VAV3: variants seen among roughly 807,000 people sequenced by gnomAD.
VAV3 encodes vav guanine nucleotide exchange factor 3.
VAV3 carries 94 observed loss-of-function variants against 131.2 expected under a neutral mutation model. The observed-to-expected ratio is 0.72, with a 90% CI of 0.61 to 0.85. The LOEUF (loss-of-function observed/expected upper bound fraction) is 0.85, where lower values mean the gene tolerates loss of function less well. VAV3 is among the 40% of genes least tolerant of loss of function. The probability of loss-of-function intolerance (pLI) is 0.00; values close to 1 mark genes in which losing one functional copy is unlikely to be tolerated. For missense variants in VAV3, 939 were observed against 1,002.7 expected, an observed-to-expected ratio of 0.94 and a Z score of 0.86; for synonymous variants, 349 against 342.0, an observed-to-expected ratio of 1.02 and a Z score of -0.22.
intron 25 of VAV3, among the ~76,000 whole-genome samples, chr1:107,575,591 T>C (rs761387189): frequency 2.0e-5 from 3 of 152,184 alleles, no homozygotes; most frequent in Non-Finnish European, 2.9e-5. Flanking sequence ...AACTGTCCCA[T>C]TACTGGGGCA....
chr1:107,826,319 T>C (rs1302359822), intron 2 of VAV3, among the ~76,000 whole-genome samples: 1 of 152,194 alleles, frequency 6.6e-6, no homozygotes, highest in African/African-American at 2.4e-5. Flanking sequence ...AGATTGAAAA[T>C]TCTTATTTAA....
At chr1:107,949,004 C>A (rs1674404323) in intron 1 of VAV3, among the ~76,000 whole-genome samples, 1 of 152,166 alleles carries the variant, frequency 6.6e-6, no homozygotes, top group African/African-American at 2.4e-5. Flanking sequence ...ATGCTTCATT[C>A]CCATTTTAAC....
intron 15 of VAV3, among the ~76,000 whole-genome samples, chr1:107,706,292 G>A (rs1456684482): frequency 6.6e-6 from 1 of 152,144 alleles, no homozygotes; most frequent in Non-Finnish European, 1.5e-5. Flanking sequence ...CAGGCGACCA[G>A]GCATCAATCT....
At chr1:107,732,859 T>A (rs1662341888) in intron 15 of VAV3, among the ~76,000 whole-genome samples, 1 of 152,160 alleles carries the variant, frequency 6.6e-6, no homozygotes, top group South Asian at 2.1e-4. Flanking sequence ...AAGAGAGCAG[T>A]GGTTCTCCCG....
intron 1 of VAV3, among the ~76,000 whole-genome samples, chr1:107,891,023 C>T (rs999058412): frequency 6.6e-6 from 1 of 152,082 alleles, no homozygotes; most frequent in African/African-American, 2.4e-5. Context: ...TAAATAGCCA[C>T]TTGTATATAT....
intron 6 of VAV3, 91 bp from the exon 7 acceptor site, chr1:107,768,600 G>A (rs1664865940): frequency 1.8e-6 from 2 of 1,085,768 alleles, no homozygotes; most frequent in Non-Finnish European, 2.7e-6. Flanking sequence ...AATACGTTTT[G>A]AAAGTCAATT....
At chr1:107,803,184 C>A (rs1042104789) in intron 2 of VAV3, among the ~76,000 whole-genome samples, 2 of 151,810 alleles carry the variant, frequency 1.3e-5, no homozygotes, top group Non-Finnish European at 2.9e-5. Flanking sequence ...GTTGTTATGT[C>A]GCCTTTCTTG....
At chr1:107,589,769 T>C (rs1455327165) in intron 25 of VAV3, among the ~76,000 whole-genome samples, 1 of 152,154 alleles carries the variant, frequency 6.6e-6, no homozygotes, top group Admixed American at 6.6e-5. Context: ...ATGGGAATGC[T>C]GAATTAAAAG....
intron 15 of VAV3, among the ~76,000 whole-genome samples, chr1:107,713,983 C>T (rs1183363678): frequency 2.0e-5 from 3 of 152,092 alleles, no homozygotes; most frequent in African/African-American, 7.2e-5. Flanking sequence ...CAAATACTAG[C>T]TCTAGACGTA....
At chr1:107,884,072 T>C (rs1670909873) in intron 1 of VAV3, among the ~76,000 whole-genome samples, 1 of 151,222 alleles carries the variant, frequency 6.6e-6, no homozygotes, top group Admixed American at 6.6e-5. Flanking sequence ...TGAAAGAAAG[T>C]AGCACTCAAC....
chr1:107,645,572 C>T (rs1655677660), intron 19 of VAV3, among the ~76,000 whole-genome samples: 1 of 151,936 alleles, frequency 6.6e-6, no homozygotes, highest in Non-Finnish European at 1.5e-5. Context: ...AATATCTTTC[C>T]ACTTATGAAA....
At chr1:107,813,976 G>A (rs1168339486) in intron 2 of VAV3, among the ~76,000 whole-genome samples, 1 of 113,444 alleles carries the variant, frequency 8.8e-6, no homozygotes, top group Non-Finnish European at 2.0e-5. Flanking sequence ...CAGTGTGTGT[G>A]TGTGTGTGTG....
chr1:107,632,237 G>A lies in VAV3; in HGVS notation c.1914+10382C>T, dbSNP rs2101400199. Among the ~76,000 whole-genome samples, 2 of 152,224 alleles carry A rather than the reference G, an allele frequency of 1.3e-5. 1 individual carries two copies. The highest frequency in any genetic ancestry group is 2.9e-5 in the Non-Finnish European group (2 of 68,032). ...CAATGGCTCACATTAGATTCATCTG[G>A]GGTTTTATAAAATCTACTTATGCCT... On this transcript the variant is annotated intron_variant, in intron 20 of 26. Transcript: ENST00000370056.
At chr1:107,746,379 G>T (rs1663345091) in intron 15 of VAV3, among the ~76,000 whole-genome samples, 1 of 152,056 alleles carries the variant, frequency 6.6e-6, no homozygotes, top group African/African-American at 2.4e-5. Context: ...ACATTCAACG[G>T]AACTCTAAAA....
chr1:107,847,680 T>G (rs921468005), intron 2 of VAV3, among the ~76,000 whole-genome samples: 1 of 151,850 alleles, frequency 6.6e-6, no homozygotes, highest in Non-Finnish European at 1.5e-5. Flanking sequence ...AAGAAATGGG[T>G]AAATTTCTGG....
At chr1:107,577,069 T>C (rs982093335) in intron 25 of VAV3, among the ~76,000 whole-genome samples, 1 of 152,220 alleles carries the variant, frequency 6.6e-6, no homozygotes, top group African/African-American at 2.4e-5. Flanking sequence ...AAAAGTTACA[T>C]GTCTATGGAT....
intron 20 of VAV3, among the ~76,000 whole-genome samples, chr1:107,621,347 T>C (rs1352368131): frequency 6.6e-6 from 1 of 152,098 alleles, no homozygotes; most frequent in East Asian, 1.9e-4. Context: ...TTTAGCTATA[T>C]AATAACTTCT....
Position 107,749,588 on chromosome 1 carries a change from G to GAT in VAV3, c.1264_1265dup (p.Phe423SerfsTer8). On this transcript the variant is annotated frameshift_variant, in exon 14 of 27. Coordinates refer to ENST00000370056, the MANE Select transcript of VAV3 (RefSeq NM_006113.5). LOFTEE classifies it high-confidence loss of function. ...CGATCACTGCCAAATCAAATAAGAAGATATGCCTGGGAAAAAGAGATTGAT... is the reference window on the plus strand; with the variant it reads ...CGATCACTGCCAAATCAAATAAGAAGATATATGCCTGGGAAAAAGAGATTGAT... The GAT allele has an allele frequency of 6.2e-7, 1 of 1,608,830 alleles. No homozygotes were observed. The highest frequency in any genetic ancestry group is 8.5e-7 in the Non-Finnish European group (1 of 1,178,640).
intron 1 of VAV3, among the ~76,000 whole-genome samples, chr1:107,923,944 T>C (rs1327015354): frequency 6.6e-6 from 1 of 152,164 alleles, no homozygotes; most frequent in Non-Finnish European, 1.5e-5. Context: ...TGCTGGTATT[T>C]TCATCCTGGA....
Sources: allele counts gnomAD v4.1 joint callset (sites outside exome capture counted in the v4.1 genomes callset), GRCh38; gene constraint gnomAD v4.1.1; transcripts MANE v1.5; gene names NCBI Gene and HGNC (gene_info 2026-07-23, HGNC 2026-07-21).